SLC36A1: variants seen among roughly 807,000 people sequenced by gnomAD.
SLC36A1 encodes proton-coupled amino acid transporter 1.
A neutral mutation model predicts 47.5 loss-of-function variants in SLC36A1; 30 were observed. The observed-to-expected ratio is 0.63, with a 90% CI of 0.47 to 0.86. The LOEUF (loss-of-function observed/expected upper bound fraction) is 0.86. SLC36A1 is among the 40% of genes least tolerant of loss of function. SLC36A1 has a pLI of 0.00. For synonymous variants in SLC36A1, 255 were observed against 249.7 expected, an observed-to-expected ratio of 1.02 and a Z score of -0.20; for missense variants, 517 against 606.0, an observed-to-expected ratio of 0.85 and a Z score of 1.54.
At chr5:151,520,520 C>G in the SLC36A1 span, among the ~76,000 whole-genome samples, 2 of 152,302 alleles carry the variant, frequency 1.3e-5, no homozygotes, top group Admixed American at 1.3e-4. Context: ...GTACAGCAGG[C>G]TCCCTATAGC....
intron 4 of SLC36A1, 80 bp from the exon 5 acceptor site, chr5:151,464,994 C>G (rs1294829084): frequency 3.6e-6 from 4 of 1,122,740 alleles, no homozygotes; most frequent in African/African-American, 3.1e-5. Context: ...TGGCCCAGGT[C>G]TCAGTGGCTC....
the SLC36A1 span, among the ~76,000 whole-genome samples, chr5:151,529,829 T>C: frequency 6.6e-6 from 1 of 152,206 alleles, no homozygotes; most frequent in African/African-American, 2.4e-5. Flanking sequence ...ATGAGATTCA[T>C]TAATACTCAA....
chr5:151,509,221 G>A, the SLC36A1 span, among the ~76,000 whole-genome samples: 1 of 152,170 alleles, frequency 6.6e-6, no homozygotes, highest in Admixed American at 6.5e-5. Context: ...CTGCAGCAAG[G>A]ACCAGAACTA....
the SLC36A1 span, chr5:151,522,000 A>G: frequency 1.9e-6 from 3 of 1,614,066 alleles, no homozygotes; most frequent in African/African-American, 1.3e-5. Context: ...CCAGTGGGAG[A>G]GCAGAAGGTG....
chr5:151,431,034 G>T, the SLC36A1 span, among the ~76,000 whole-genome samples: 1 of 152,308 alleles, frequency 6.6e-6, no homozygotes, highest in South Asian at 2.1e-4. Context: ...TAGTTCCACA[G>T]TTCCCAGGTG....
chr5:151,474,825 G>T (rs924486803), intron 8 of SLC36A1, among the ~76,000 whole-genome samples: 2 of 152,266 alleles, frequency 1.3e-5, no homozygotes, highest in African/African-American at 2.4e-5. Flanking sequence ...GTTATTCCTG[G>T]CCAAGGGCGC....
At chr5:151,542,601 G>C in the SLC36A1 span, 2 of 1,614,162 alleles carry the variant, frequency 1.2e-6, no homozygotes, top group African/African-American at 1.3e-5. Context: ...CATGGACATT[G>C]CTACCAGGGT....
At chr5:151,399,084 A>ATATTTT in the SLC36A1 span, among the ~76,000 whole-genome samples, 1 of 60,068 alleles carries the variant, frequency 1.7e-5, no homozygotes, top group African/African-American at 5.6e-5. Flanking sequence ...ATATATATAT[A>ATATTTT]TTTTTTTTTT....
At chr5:151,383,558 C>T in the SLC36A1 span, among the ~76,000 whole-genome samples, 1 of 147,196 alleles carries the variant, frequency 6.8e-6, no homozygotes, top group South Asian at 2.1e-4. Context: ...TAATGTAGTG[C>T]ATTTTAACTT....
the SLC36A1 span, chr5:151,380,760 A>G: frequency 3.7e-6 from 2 of 539,272 alleles, no homozygotes; most frequent in Non-Finnish European, 7.6e-6. Flanking sequence ...CCTTGCAGAC[A>G]GATGGTGGAC....
chr5:151,521,501 C>T, the SLC36A1 span: 10 of 1,614,096 alleles, frequency 6.2e-6, no homozygotes, highest in Admixed American at 1.7e-5. Flanking sequence ...GATGCTAGCT[C>T]CTGAAACTCG....
the SLC36A1 span, among the ~76,000 whole-genome samples, chr5:151,364,759 C>G: frequency 6.6e-6 from 1 of 152,156 alleles, no homozygotes; most frequent in Admixed American, 6.5e-5. Flanking sequence ...AAGGTGAAAC[C>G]TGCATCAGGC....
intron 1 of SLC36A1, 62 bp from the exon 2 acceptor site, chr5:151,458,726 C>T: frequency 6.4e-7 from 1 of 1,568,394 alleles, no homozygotes; most frequent in Non-Finnish European, 8.7e-7. Context: ...CAGAGGCCAC[C>T]CCAAATATGG....
the SLC36A1 span, among the ~76,000 whole-genome samples, chr5:151,373,735 A>G: frequency 8.5e-5 from 13 of 152,212 alleles, no homozygotes; most frequent in Non-Finnish European, 1.6e-4. Flanking sequence ...CCTTATTTTT[A>G]ACTTTTAAAA....
the SLC36A1 span, chr5:151,507,731 C>T: frequency 5.6e-5 from 51 of 908,422 alleles, no homozygotes; most frequent in Non-Finnish European, 7.6e-5. Context: ...CCGTTTTTCA[C>T]CCCCCAAAAA....
the SLC36A1 span, chr5:151,506,187 G>A: frequency 1.5e-6 from 2 of 1,370,832 alleles, no homozygotes; most frequent in South Asian, 1.7e-5. Flanking sequence ...CCTAGCGAGT[G>A]GTGGAGATGG....
At chr5:151,514,801 A>G in the SLC36A1 span, among the ~76,000 whole-genome samples, 2 of 151,996 alleles carry the variant, frequency 1.3e-5, no homozygotes, top group African/African-American at 4.8e-5. Flanking sequence ...GCTAAAGCCA[A>G]TCTCTCCATT....
chr5:151,453,077 G>A (rs1336464372), intron 1 of SLC36A1, among the ~76,000 whole-genome samples: 1 of 151,014 alleles, frequency 6.6e-6, no homozygotes, highest in African/African-American at 2.4e-5. Flanking sequence ...GGTGGCGCAT[G>A]TCCGTAATCC....
chr5:151,458,716 C>T lies in SLC36A1; in HGVS notation c.-5-72C>T, dbSNP rs1300365206. 2.8e-5 allele frequency: 43 copies of T among 1,534,844 alleles called. 1 individual carries two copies. The Middle Eastern group carries it at 5.5e-4, about 19-fold the overall frequency. On this transcript the variant is annotated intron_variant, in intron 1 of 10. Transcript: ENST00000243389. ...ACTCTGACAATGACAGCTTCTACCC[C>T]AGAGGCCACCCCAAATATGGAGCTA...
Sources: gnomAD v4.1 joint callset for allele counts (sites outside exome capture counted in the v4.1 genomes callset) on GRCh38, gnomAD v4.1.1 for gene constraint, MANE v1.5 for transcripts, NCBI Gene and HGNC (gene_info 2026-07-23, HGNC 2026-07-21) for gene names.